Variants in SDK1 observed in about 807,000 individuals in gnomAD.
The protein encoded by SDK1 is protein sidekick-1.
SDK1 carries 157 observed loss-of-function variants against 245.5 expected under a neutral mutation model. The ratio of observed to expected loss-of-function variants is 0.64; its 90% CI spans 0.56 to 0.73. The LOEUF (loss-of-function observed/expected upper bound fraction) is 0.73. Among genes scored for constraint, SDK1 ranks in the 30% least tolerant of loss-of-function variants. The pLI, the probability that SDK1 is intolerant of heterozygous loss-of-function variation, is 0.00. For synonymous variants in SDK1, 1,647 were observed against 1,278.5 expected, an observed-to-expected ratio of 1.29 and a Z score of -6.15; for missense variants, 3,583 against 3,002.3, an observed-to-expected ratio of 1.19 and a Z score of -4.52.
At chr7:3,383,268 T>A (rs1781533867) in intron 1 of SDK1, among the ~76,000 whole-genome samples, 1 of 152,144 alleles carries the variant, frequency 6.6e-6, no homozygotes, top group South Asian at 2.1e-4. Flanking sequence ...AAAATTAGCC[T>A]GGTGTGGTGG....
intron 4 of SDK1, among the ~76,000 whole-genome samples, chr7:3,761,447 G>A (rs1404330062): frequency 2.0e-5 from 3 of 151,284 alleles, no homozygotes; most frequent in South Asian, 2.1e-4. Flanking sequence ...CCAGTTACTC[G>A]GAAGGCTGAG....
At chr7:3,990,249 G>A (rs377727437) in intron 14 of SDK1, among the ~76,000 whole-genome samples, 14 of 152,252 alleles carry the variant, frequency 9.2e-5, no homozygotes, top group African/African-American at 1.7e-4. Flanking sequence ...GCACCACCTC[G>A]GAGTGAGGCC....
At chr7:3,321,492 A>G (rs1406064368) in intron 1 of SDK1, among the ~76,000 whole-genome samples, 7 of 152,130 alleles carry the variant, frequency 4.6e-5, no homozygotes. Flanking sequence ...CAGTGCACTT[A>G]TTTGGTTGAT....
intron 4 of SDK1, among the ~76,000 whole-genome samples, chr7:3,790,829 T>C (rs1408041783): frequency 1.3e-5 from 2 of 152,046 alleles, no homozygotes; most frequent in Non-Finnish European, 2.9e-5. Context: ...AGTCTGGTAG[T>C]GGTTGCTTTT....
intron 35 of SDK1, among the ~76,000 whole-genome samples, chr7:4,196,627 C>G (rs116198353): frequency 1.3e-5 from 2 of 152,012 alleles, no homozygotes; most frequent in African/African-American, 4.8e-5. Flanking sequence ...AGGCACTGCC[C>G]GGGGAGCCCT....
chr7:4,227,398 T>C (rs769979665), intron 40 of SDK1: 14 of 471,210 alleles, frequency 3.0e-5, no homozygotes, highest in Admixed American at 7.0e-5. Context: ...TTTTGCCTCC[T>C]GCCTTGAATG....
chr7:3,792,265 G>A (rs1315580511), intron 4 of SDK1, among the ~76,000 whole-genome samples: 1 of 152,024 alleles, frequency 6.6e-6, no homozygotes. Flanking sequence ...GCAATTGCCT[G>A]AGGCCATGGG....
At chr7:3,899,459 G>C (rs1781709931) in intron 5 of SDK1, among the ~76,000 whole-genome samples, 1 of 152,246 alleles carries the variant, frequency 6.6e-6, no homozygotes, top group Non-Finnish European at 1.5e-5. Context: ...CTCGGCATCA[G>C]CTTCCTTGTC....
chr7:3,808,962 T>G (rs1029243655), intron 4 of SDK1, among the ~76,000 whole-genome samples: 2 of 152,188 alleles, frequency 1.3e-5, no homozygotes, highest in Non-Finnish European at 2.9e-5. Context: ...AGCCTGTGTT[T>G]TGAGTCGTGC....
At chr7:3,705,025 C>G (rs574765300) in intron 4 of SDK1, among the ~76,000 whole-genome samples, 42 of 152,268 alleles carry the variant, frequency 2.8e-4, no homozygotes, top group South Asian at 8.3e-4. Flanking sequence ...TCTAGGCTCT[C>G]TACTCTGTTT....
intron 5 of SDK1, among the ~76,000 whole-genome samples, chr7:3,881,909 C>G (rs1291824445): frequency 6.6e-6 from 1 of 152,106 alleles, no homozygotes; most frequent in African/African-American, 2.4e-5. Context: ...CCGGGAGGCT[C>G]CTGAATTACC....
At chr7:3,803,131 A>G (rs1002200852) in intron 4 of SDK1, among the ~76,000 whole-genome samples, 1 of 152,132 alleles carries the variant, frequency 6.6e-6, no homozygotes, top group Non-Finnish European at 1.5e-5. Context: ...GTTTTTTTAC[A>G]TTAGCCATTT....
chr7:4,209,507 C>G (rs868001667), intron 37 of SDK1, among the ~76,000 whole-genome samples: 1 of 152,196 alleles, frequency 6.6e-6, no homozygotes, highest in East Asian at 1.9e-4. Context: ...GCTCCCTCCC[C>G]GCTCCAGACC....
intron 14 of SDK1, among the ~76,000 whole-genome samples, chr7:4,005,642 G>C (rs1407614116): frequency 6.6e-6 from 1 of 152,050 alleles, no homozygotes; most frequent in African/African-American, 2.4e-5. Flanking sequence ...TCCCCAAGCG[G>C]GTTTCTGTGG....
intron 4 of SDK1, among the ~76,000 whole-genome samples, chr7:3,652,846 C>G (rs999917482): frequency 6.6e-6 from 1 of 152,142 alleles, no homozygotes; most frequent in Non-Finnish European, 1.5e-5. Flanking sequence ...TTGAGGCTGT[C>G]TGCAAGGGAG....
chr7:3,642,105 T>C lies in SDK1; in HGVS notation c.713T>C (p.Ile238Thr), dbSNP rs372018261. Residue 238 changes from isoleucine to threonine, a missense_variant and splice_region_variant, in exon 4 of 45, where the codon ATA becomes ACA. Transcript: ENST00000404826. ...EGHKIIPSNR[I>T]AITLENQLVI... Reference sequence around the variant, plus strand: ...CACAAGATTATTCCAAGCAACAGAATGTAAGTTGCTCCAAACGTTAAAGCT... The same window carrying C: ...CACAAGATTATTCCAAGCAACAGAACGTAAGTTGCTCCAAACGTTAAAGCT... 7 of 1,613,660 alleles carry C rather than the reference T, an allele frequency of 4.3e-6. No homozygotes were observed. Among genetic ancestry groups the C allele is most frequent in the East Asian group, 2.2e-5 (1 of 44,890 alleles).
chr7:3,883,978 T>A (rs1479831769), intron 5 of SDK1, among the ~76,000 whole-genome samples: 1 of 152,188 alleles, frequency 6.6e-6, no homozygotes, highest in Non-Finnish European at 1.5e-5. Flanking sequence ...AGGATGAAAG[T>A]CCAAAGTCCA....
At chr7:3,595,681 T>C (rs1377198382) in intron 1 of SDK1, among the ~76,000 whole-genome samples, 1 of 152,050 alleles carries the variant, frequency 6.6e-6, no homozygotes, top group Non-Finnish European at 1.5e-5. Context: ...TGCGTGACTT[T>C]GAACTAGTCA....
chr7:3,599,455 G>A (rs1328477936), intron 1 of SDK1, among the ~76,000 whole-genome samples: 2 of 152,288 alleles, frequency 1.3e-5, no homozygotes, highest in East Asian at 3.9e-4. Flanking sequence ...CTTTTGAAGA[G>A]CAGAAGGTTT....
Sources: allele counts gnomAD v4.1 joint callset (sites outside exome capture counted in the v4.1 genomes callset), GRCh38; gene constraint gnomAD v4.1.1; transcripts MANE v1.5; gene names NCBI Gene and HGNC (gene_info 2026-07-23, HGNC 2026-07-21).